The following HPSE2 variants were observed in gnomAD, a reference collection of about 807,000 sequenced individuals.
HPSE2 encodes the protein inactive heparanase-2.
In HPSE2, 38 loss-of-function variants were observed where a neutral mutation model predicts 60.5. That is an observed-to-expected ratio of 0.63 (90% confidence interval 0.48 to 0.82). The LOEUF is 0.82. Ranked by LOEUF, HPSE2 falls within the 40% of genes least tolerant of loss-of-function variation. The pLI is 0.00. For synonymous variants in HPSE2, 295 were observed against 293.2 expected (o/e 1.01, Z -0.06); for missense variants, 713 against 740.4 (o/e 0.96, Z 0.43).
intron 2 of HPSE2, among the ~76,000 whole-genome samples, chr10:99,153,357 A>G (rs947639616): frequency 2.6e-5 from 4 of 152,234 alleles, no homozygotes; most frequent in African/African-American, 9.6e-5. Context: ...TCCCTGTCTG[A>G]CAGCTTTGAA....
chr10:98,851,945 C>A (rs1952182724), intron 3 of HPSE2, among the ~76,000 whole-genome samples: 1 of 151,982 alleles, frequency 6.6e-6, no homozygotes, highest in South Asian at 2.1e-4. Flanking sequence ...GGAGGAAAAC[C>A]AGGAAGGGAA....
chr10:98,616,628 AAACT>A (rs1257716409), intron 8 of HPSE2, among the ~76,000 whole-genome samples: 2 of 152,210 alleles, frequency 1.3e-5, no homozygotes, highest in African/African-American at 2.4e-5. Context: ...ATTCTCAAAA[AAACT>A]AACAAATATT....
intron 5 of HPSE2, among the ~76,000 whole-genome samples, chr10:98,704,604 C>T (rs1948498084): frequency 6.6e-6 from 1 of 152,130 alleles, no homozygotes; most frequent in African/African-American, 2.4e-5. Context: ...AGATATAACA[C>T]CACACATCTA....
intron 7 of HPSE2, among the ~76,000 whole-genome samples, chr10:98,630,388 G>C (rs571328780): frequency 1.3e-5 from 2 of 151,818 alleles, no homozygotes; most frequent in Non-Finnish European, 2.9e-5. Context: ...TAGTAGAGAC[G>C]GTGTTTCACC....
the HPSE2 span, among the ~76,000 whole-genome samples, chr10:99,264,271 T>A: frequency 6.6e-6 from 1 of 152,036 alleles, no homozygotes; most frequent in Non-Finnish European, 1.5e-5. Flanking sequence ...GTATTTTTAG[T>A]AGAGACAGCA....
chr10:98,500,788 C>CAAGAAAAGAAGAAAAGAAGATT (rs1564922235), intron 9 of HPSE2, among the ~76,000 whole-genome samples: 4 of 151,656 alleles, frequency 2.6e-5, no homozygotes, highest in African/African-American at 9.7e-5. Flanking sequence ...CAAGAATAAC[C>CAAGAAAAGAAGAAAAGAAGATT]AAGAAAAGAA....
intron 3 of HPSE2, among the ~76,000 whole-genome samples, chr10:99,008,116 A>C (rs905347809): frequency 2.6e-5 from 4 of 152,188 alleles, no homozygotes; most frequent in African/African-American, 4.8e-5. Flanking sequence ...ATAGAGCACC[A>C]GAGCCCAGAA....
the HPSE2 span, among the ~76,000 whole-genome samples, chr10:99,249,486 T>C: frequency 1.3e-5 from 2 of 152,258 alleles, no homozygotes; most frequent in African/African-American, 4.8e-5. Flanking sequence ...TGCACCTCCA[T>C]TGTATACTGG....
the HPSE2 span, among the ~76,000 whole-genome samples, chr10:99,292,680 C>A: frequency 4.8e-4 from 73 of 151,868 alleles, no homozygotes; most frequent in Non-Finnish European, 9.3e-4. Flanking sequence ...TTTATTTAAC[C>A]AAACATATCT....
chr10:98,529,292 C>T (rs981617048), intron 9 of HPSE2, among the ~76,000 whole-genome samples: 1 of 152,170 alleles, frequency 6.6e-6, no homozygotes, highest in Non-Finnish European at 1.5e-5. Flanking sequence ...GGATGAAAAA[C>T]AGATTTTAAA....
chr10:98,546,340 C>T (rs776852755), intron 9 of HPSE2, among the ~76,000 whole-genome samples: 4,950 of 132,214 alleles, frequency 0.037, 276 homozygotes, highest in Middle Eastern at 0.12. Context: ...GAGCCTGCAT[C>T]GCCAAGTCAA....
intron 7 of HPSE2, among the ~76,000 whole-genome samples, chr10:98,625,234 T>C (rs1020941076): frequency 6.6e-6 from 1 of 152,212 alleles, no homozygotes; most frequent in Non-Finnish European, 1.5e-5. Context: ...GGAAGCAATA[T>C]GCTGACTGCA....
intron 6 of HPSE2, among the ~76,000 whole-genome samples, chr10:98,663,981 G>A (rs1183281794): frequency 3.3e-5 from 5 of 152,116 alleles, no homozygotes; most frequent in African/African-American, 9.7e-5. Flanking sequence ...CTGGGGAAAA[G>A]GTGAGATGGC....
Position 98,721,735 on chromosome 10 carries a change from A to G in HPSE2, c.878T>C (p.Ile293Thr). 2 of 1,613,786 alleles carry G rather than the reference A, an allele frequency of 1.2e-6. No individual in the cohort carries two copies. The highest frequency in any genetic ancestry group is 1.7e-6 in the Non-Finnish European group (2 of 1,179,894). ...YIQLKSLLQPIRIYSRASLYG... is the reference protein window; with the variant it reads ...YIQLKSLLQPTRIYSRASLYG... ...TAAGCTGGCTCTGGAATAAATCCGG[A>G]TGGGCTGCAACAGGCTCTTCAGCTG... The change falls in exon 5 of 12, where the codon ATC (isoleucine) becomes ACC (threonine). Residue 293 changes from isoleucine (I) to threonine (T), a missense_variant. Physicochemically the swap from Ile to Thr is moderately conservative, Grantham distance 89. Transcript: ENST00000370552.
At chr10:99,146,679 G>A (rs555430174) in intron 2 of HPSE2, among the ~76,000 whole-genome samples, 26 of 152,140 alleles carry the variant, frequency 1.7e-4, no homozygotes, top group African/African-American at 3.9e-4. Context: ...CTGGCAACAC[G>A]GTGAAACCCC....
chr10:98,663,070 C>A (rs1947266933), intron 6 of HPSE2, among the ~76,000 whole-genome samples: 1 of 152,064 alleles, frequency 6.6e-6, no homozygotes, highest in African/African-American at 2.4e-5. Context: ...AGGATGAACA[C>A]ACATAAGGGC....
upstream of HPSE2, among the ~76,000 whole-genome samples, chr10:99,236,902 A>G (rs1849871574): frequency 6.6e-6 from 1 of 152,088 alleles, no homozygotes; most frequent in Non-Finnish European, 1.5e-5. Flanking sequence ...ACCCTCCTGG[A>G]GGTCAATCCT....
At chr10:99,108,334 A>T (rs1261512885) in intron 3 of HPSE2, among the ~76,000 whole-genome samples, 1 of 152,164 alleles carries the variant, frequency 6.6e-6, no homozygotes, top group Non-Finnish European at 1.5e-5. Flanking sequence ...ACATAAGCTA[A>T]AAAGAGGCCA....
intron 3 of HPSE2, among the ~76,000 whole-genome samples, chr10:98,752,969 C>T (rs1414964): frequency 0.69 from 105,447 of 152,036 alleles, 37,664 homozygotes; most frequent in Non-Finnish European, 0.8. Flanking sequence ...TGATTTTACT[C>T]ATATGTGGAA....
Sources: allele counts gnomAD v4.1 joint callset (sites outside exome capture counted in the v4.1 genomes callset), GRCh38; gene constraint gnomAD v4.1.1; transcripts MANE v1.5; gene names NCBI Gene and HGNC (gene_info 2026-07-23, HGNC 2026-07-21).